NCAM2: variants seen among roughly 807,000 people sequenced by gnomAD.
NCAM2 encodes the protein N-CAM-2.
NCAM2 carries 30 observed loss-of-function variants against 98.1 expected under a neutral mutation model. The observed-to-expected ratio is 0.31, with a 90% CI of 0.23 to 0.41. The LOEUF (loss-of-function observed/expected upper bound fraction) is 0.41, where lower values mean the gene tolerates loss of function less well. Ranked by LOEUF, NCAM2 falls within the 10% of genes least tolerant of loss-of-function variation. NCAM2 has a pLI of 1.00. For missense variants in NCAM2, 867 were observed against 1,005.8 expected (o/e 0.86, Z 1.87); for synonymous variants, 368 against 342.4 (o/e 1.07, Z -0.83).
intron 17 of NCAM2, 48 bp from the exon 18 acceptor site, chr21:21,537,798 C>A: frequency 1.0e-6 from 1 of 974,186 alleles, no homozygotes. Context: ...TAAGGTACGT[C>A]TCCTTAAATA....
At chr21:21,193,893 CTG>C (rs2068913090) in intron 1 of NCAM2, among the ~76,000 whole-genome samples, 1 of 152,210 alleles carries the variant, frequency 6.6e-6, no homozygotes, top group African/African-American at 2.4e-5. Context: ...GAGAATATAA[CTG>C]TTACAATTAA....
intron 1 of NCAM2, among the ~76,000 whole-genome samples, chr21:21,149,453 G>T (rs1391506156): frequency 6.6e-6 from 1 of 152,010 alleles, no homozygotes; most frequent in Non-Finnish European, 1.5e-5. Flanking sequence ...GAATGTGCAG[G>T]TTTGTTACAT....
intron 1 of NCAM2, among the ~76,000 whole-genome samples, chr21:21,046,903 A>T (rs1253494295): frequency 6.6e-6 from 1 of 152,188 alleles, no homozygotes; most frequent in Non-Finnish European, 1.5e-5. Context: ...AGAAAATTTG[A>T]TAATTGTTTT....
chr21:21,238,994 C>G (rs145470647), intron 1 of NCAM2, among the ~76,000 whole-genome samples: 2 of 151,988 alleles, frequency 1.3e-5, no homozygotes, highest in Non-Finnish European at 2.9e-5. Flanking sequence ...AATTAGATTC[C>G]CAATTTCCTT....
At chr21:21,508,129 C>T (rs1349842768) in intron 15 of NCAM2, among the ~76,000 whole-genome samples, 1 of 152,116 alleles carries the variant, frequency 6.6e-6, no homozygotes. Flanking sequence ...TTCCTGCAAC[C>T]ATATGCCAAA....
intron 11 of NCAM2, among the ~76,000 whole-genome samples, chr21:21,425,336 C>A (rs2077193920): frequency 6.6e-6 from 1 of 152,034 alleles, no homozygotes; most frequent in South Asian, 2.1e-4. Context: ...AACTCAAACA[C>A]TCTAATGTTC....
chr21:21,354,824 G>A (rs986662359), intron 8 of NCAM2, among the ~76,000 whole-genome samples: 15 of 56,624 alleles, frequency 2.6e-4, no homozygotes, highest in African/African-American at 1.1e-3. Flanking sequence ...TTTACTTCCA[G>A]TCCTTAGCAC....
At chr21:21,251,908 A>T (rs147967013) in intron 1 of NCAM2, among the ~76,000 whole-genome samples, 198 of 152,042 alleles carry the variant, frequency 1.3e-3, no homozygotes, top group African/African-American at 4.7e-3. Flanking sequence ...GTTAAATTAG[A>T]TCCTGTTTGT....
intron 1 of NCAM2, among the ~76,000 whole-genome samples, chr21:21,279,548 G>A (rs191687235): frequency 0.021 from 3,126 of 152,046 alleles, 101 homozygotes; most frequent in African/African-American, 0.072. Flanking sequence ...TAGTAGAGAC[G>A]GGGTTTCACC....
At chr21:21,055,356 A>T (rs920996845) in intron 1 of NCAM2, among the ~76,000 whole-genome samples, 10 of 152,076 alleles carry the variant, frequency 6.6e-5, no homozygotes, top group Non-Finnish European at 1.5e-4. Context: ...AAGATGCTTT[A>T]AAAATAACCT....
intron 13 of NCAM2, 110 bp from the exon 14 acceptor site, chr21:21,468,552 C>G (rs1984019690): frequency 9.6e-7 from 1 of 1,040,942 alleles, no homozygotes; most frequent in East Asian, 2.9e-5. Flanking sequence ...ATGGTAAATC[C>G]AGGATAACAC....
intron 3 of NCAM2, 71 bp downstream of exon 3, chr21:21,284,471 G>A: frequency 8.9e-7 from 1 of 1,122,438 alleles, no homozygotes; most frequent in South Asian, 1.3e-5. Context: ...AAAATAAAAT[G>A]TTTGATAACA....
chr21:21,070,743 G>T (rs114507449), intron 1 of NCAM2, among the ~76,000 whole-genome samples: 75 of 152,224 alleles, frequency 4.9e-4, no homozygotes, highest in African/African-American at 1.7e-3. Flanking sequence ...AACTAAAGAT[G>T]GCAAGGATTA....
At chr21:21,475,627 G>A (rs185222866) in intron 14 of NCAM2, among the ~76,000 whole-genome samples, 98 of 152,084 alleles carry the variant, frequency 6.4e-4, no homozygotes, top group African/African-American at 2.2e-3. Flanking sequence ...TTATTCCATC[G>A]TTCATACATC....
At chr21:21,462,805 A>T (rs2146198675) in intron 12 of NCAM2, among the ~76,000 whole-genome samples, 1 of 152,210 alleles carries the variant, frequency 6.6e-6, no homozygotes, top group African/African-American at 2.4e-5. Flanking sequence ...TGCCGTGTTA[A>T]AGAAAAATTC....
rs143461840 is a variant in NCAM2, at chr21:21,379,258, G to C, written c.1195+5245G>C. 4.4e-3 allele frequency among the ~76,000 whole-genome samples: 667 copies of C among 152,062 alleles called. 7 individuals carry two copies. The highest frequency in any genetic ancestry group is 0.015 in the African/African-American group (638 of 41,512). ...TTTTCTATAATATGTCTGTTTTCCA[G>C]TTTGATGATTCTGGCTTTATCTTCA... On this transcript the variant is annotated intron_variant, in intron 9 of 17. Transcript: ENST00000400546.
chr21:21,369,429 A>T (rs2075863158), intron 8 of NCAM2, among the ~76,000 whole-genome samples: 1 of 151,830 alleles, frequency 6.6e-6, no homozygotes, highest in Non-Finnish European at 1.5e-5. Context: ...TAATGCTGTC[A>T]TTAGCATTTA....
At chr21:21,318,535 T>A (rs1341191972) in intron 5 of NCAM2, among the ~76,000 whole-genome samples, 1 of 152,192 alleles carries the variant, frequency 6.6e-6, no homozygotes, top group East Asian at 1.9e-4. Flanking sequence ...CATTTTTATT[T>A]TTATGTTTTT....
chr21:21,291,738 C>T (rs1601882722), intron 4 of NCAM2, among the ~76,000 whole-genome samples: 3 of 151,502 alleles, frequency 2.0e-5, no homozygotes, highest in Non-Finnish European at 4.4e-5. Flanking sequence ...CCCATGTTGC[C>T]GCATATTTGC....
Sources: allele counts gnomAD v4.1 joint callset (sites outside exome capture counted in the v4.1 genomes callset), GRCh38; gene constraint gnomAD v4.1.1; transcripts MANE v1.5; gene names NCBI Gene and HGNC (gene_info 2026-07-23, HGNC 2026-07-21).